The following SGCZ variants were observed in gnomAD, a reference collection of about 807,000 sequenced individuals.
SGCZ encodes the protein sarcoglycan zeta.
Under a neutral mutation model 41.3 loss-of-function variants are expected in SGCZ, and 40 were observed. The observed-to-expected ratio is 0.97, with a 90% CI of 0.75 to 1.26. SGCZ has a LOEUF of 1.26. Ranked by LOEUF, SGCZ falls within the 50% of genes most tolerant of loss-of-function variation. The pLI, the probability that SGCZ is intolerant of heterozygous loss-of-function variation, is 0.00. For synonymous variants in SGCZ, 206 were observed against 137.5 expected (o/e 1.50, Z -3.49); for missense variants, 552 against 369.8 (o/e 1.49, Z -4.04).
At chr8:14,986,404 A>G (rs1801826477) in intron 1 of SGCZ, among the ~76,000 whole-genome samples, 1 of 152,074 alleles carries the variant, frequency 6.6e-6, no homozygotes, top group African/African-American at 2.4e-5. Context: ...TTTGACTGAT[A>G]CGCACAGCAT....
chr8:15,085,288 C>T (rs1274277546), intron 1 of SGCZ, among the ~76,000 whole-genome samples: 2 of 152,134 alleles, frequency 1.3e-5, no homozygotes, highest in African/African-American at 4.8e-5. Context: ...TATTAATCCC[C>T]TCAATGCCTA....
chr8:14,780,299 C>T (rs968871544), intron 1 of SGCZ, among the ~76,000 whole-genome samples: 8 of 147,708 alleles, frequency 5.4e-5, no homozygotes, highest in Non-Finnish European at 1.0e-4. Flanking sequence ...AGCACGAACC[C>T]GGGGGGCAGA....
chr8:14,820,449 C>G (rs1802041558), intron 1 of SGCZ, among the ~76,000 whole-genome samples: 1 of 151,864 alleles, frequency 6.6e-6, no homozygotes. Flanking sequence ...GGAAAAAAGT[C>G]TACAAAGAAA....
At chr8:14,612,097 C>T (rs1412721363) in intron 1 of SGCZ, among the ~76,000 whole-genome samples, 1 of 152,162 alleles carries the variant, frequency 6.6e-6, no homozygotes, top group African/African-American at 2.4e-5. Context: ...AAACGTATGT[C>T]TTTCTATGCA....
intron 1 of SGCZ, among the ~76,000 whole-genome samples, chr8:14,610,133 G>T (rs1375230872): frequency 6.6e-6 from 1 of 152,164 alleles, no homozygotes. Flanking sequence ...ACTTTGCAGA[G>T]ACCAGTCTTT....
intron 1 of SGCZ, among the ~76,000 whole-genome samples, chr8:14,842,927 C>T (rs894425785): frequency 6.6e-6 from 1 of 152,142 alleles, no homozygotes; most frequent in South Asian, 2.1e-4. Flanking sequence ...TTATTAGAAC[C>T]CTTGCCTGGG....
At chr8:15,151,459 T>C (rs1335805486) in intron 1 of SGCZ, among the ~76,000 whole-genome samples, 1 of 152,154 alleles carries the variant, frequency 6.6e-6, no homozygotes, top group Non-Finnish European at 1.5e-5. Context: ...AAAAATAATA[T>C]CAGTGAAAAG....
intron 1 of SGCZ, among the ~76,000 whole-genome samples, chr8:15,098,571 T>TAA (rs1311435439): frequency 6.6e-6 from 1 of 152,232 alleles, no homozygotes; most frequent in East Asian, 1.9e-4. Flanking sequence ...TTGGAGGTTT[T>TAA]CTGCTAAATT....
At chr8:14,125,956 C>T (rs1243705325) in intron 5 of SGCZ, among the ~76,000 whole-genome samples, 2 of 152,110 alleles carry the variant, frequency 1.3e-5, no homozygotes, top group Non-Finnish European at 2.9e-5. Context: ...ATTTGTTCGT[C>T]ACACATTACA....
intron 1 of SGCZ, among the ~76,000 whole-genome samples, chr8:14,905,459 C>T (rs1433056267): frequency 1.3e-5 from 2 of 152,006 alleles, no homozygotes; most frequent in Non-Finnish European, 2.9e-5. Flanking sequence ...ACTAAGGACA[C>T]TCATTTACTG....
chr8:14,699,539 T>C (rs1480612732), intron 1 of SGCZ, among the ~76,000 whole-genome samples: 1 of 151,920 alleles, frequency 6.6e-6, no homozygotes, highest in African/African-American at 2.4e-5. Context: ...GAAAATACCA[T>C]TCTGGACATC....
At chr8:14,549,167 G>C (rs2117172376) in intron 2 of SGCZ, among the ~76,000 whole-genome samples, 1 of 152,132 alleles carries the variant, frequency 6.6e-6, no homozygotes, top group East Asian at 1.9e-4. Flanking sequence ...GTGTGTGTGT[G>C]TCTAAAAAAG....
At chr8:14,728,456 G>A (rs919219786) in intron 1 of SGCZ, among the ~76,000 whole-genome samples, 9 of 150,630 alleles carry the variant, frequency 6.0e-5, no homozygotes, top group Admixed American at 4.0e-4. Context: ...GACAATGATC[G>A]TCAAATAAAC....
At chr8:14,827,236 C>CTTTTTTTT (rs36071307) in intron 1 of SGCZ, among the ~76,000 whole-genome samples, 2 of 122,322 alleles carry the variant, frequency 1.6e-5, no homozygotes, top group Non-Finnish European at 3.4e-5. Context: ...CTTTTCTTTT[C>CTTTTTTTT]TTTTTTTTTT....
chr8:15,148,310 C>T (rs1312748422), intron 1 of SGCZ, among the ~76,000 whole-genome samples: 2 of 152,108 alleles, frequency 1.3e-5, no homozygotes, highest in Non-Finnish European at 2.9e-5. Context: ...AAGTTGCTAT[C>T]GGACATCAGG....
chr8:14,622,886 G>A (rs898101640), intron 1 of SGCZ, among the ~76,000 whole-genome samples: 7 of 152,080 alleles, frequency 4.6e-5, no homozygotes, highest in African/African-American at 1.7e-4. Flanking sequence ...CAGTAACCTG[G>A]GTGGAGAACT....
intron 4 of SGCZ, among the ~76,000 whole-genome samples, chr8:14,170,026 T>A (rs984968754): frequency 6.6e-6 from 1 of 151,804 alleles, no homozygotes; most frequent in Admixed American, 6.6e-5. Context: ...CTTGAATACT[T>A]TGTAAATTTT....
intron 1 of SGCZ, among the ~76,000 whole-genome samples, chr8:14,594,099 C>T (rs765505115): frequency 3.3e-5 from 5 of 151,374 alleles, no homozygotes; most frequent in African/African-American, 4.9e-5. Context: ...TGCTTCAGCC[C>T]GGGAGGTGGA....
intron 1 of SGCZ, among the ~76,000 whole-genome samples, chr8:14,802,254 A>G (rs556959495): frequency 9.2e-5 from 14 of 152,328 alleles, no homozygotes; most frequent in Non-Finnish European, 1.5e-4. Context: ...TTAAACCCTT[A>G]ATGTGTATTT....
Sources: gnomAD v4.1 joint callset for allele counts (sites outside exome capture counted in the v4.1 genomes callset) on GRCh38, gnomAD v4.1.1 for gene constraint, MANE v1.5 for transcripts, NCBI Gene and HGNC (gene_info 2026-07-23, HGNC 2026-07-21) for gene names.